Variants in TENT5D observed in about 807,000 individuals in gnomAD.
The protein encoded by TENT5D is cancer/testis antigen 112.
For missense variants in TENT5D, 191 were observed against 287.0 expected, an observed-to-expected ratio of 0.67 and a Z score of 2.42; for synonymous variants, 103 against 100.6, an observed-to-expected ratio of 1.02 and a Z score of -0.15.
At chrX:80,358,517 A>G (rs1343021781) in intron 3 of TENT5D, among the ~76,000 whole-genome samples, 1 of 112,270 alleles carries the variant, frequency 8.9e-6, no homozygotes, top group Non-Finnish European at 1.9e-5. Flanking sequence ...AAGAATACAC[A>G]TATTTTATTA....
At chrX:80,338,275 T>C (rs1387467116) in intron 2 of TENT5D, among the ~76,000 whole-genome samples, 1 of 111,550 alleles carries the variant, frequency 9.0e-6, no homozygotes, top group Non-Finnish European at 1.9e-5. Flanking sequence ...TCCAAATTGT[T>C]CTTTGGGGAC....
upstream of TENT5D, among the ~76,000 whole-genome samples, chrX:80,419,701 C>A (rs1931847296): frequency 8.9e-6 from 1 of 111,813 alleles, no homozygotes; most frequent in Non-Finnish European, 1.9e-5. Flanking sequence ...ACTTATCAAC[C>A]ATAATACTTT....
intron 1 of TENT5D, among the ~76,000 whole-genome samples, chrX:80,435,500 CAAG>C (rs1439195554): frequency 3.6e-5 from 4 of 112,276 alleles, no homozygotes; most frequent in African/African-American, 1.3e-4. Context: ...AAATATGTTT[CAAG>C]ATTGCTTTGT....
chrX:80,396,625 G>T (rs1371422586), intron 3 of TENT5D, among the ~76,000 whole-genome samples: 1 of 109,877 alleles, frequency 9.1e-6, no homozygotes, highest in Non-Finnish European at 1.9e-5. Context: ...CAAGGCAGAA[G>T]AATTTTTCTT....
chrX:80,432,470 A>G (rs1328466562), intron 1 of TENT5D, among the ~76,000 whole-genome samples: 1 of 111,856 alleles, frequency 8.9e-6, no homozygotes, highest in Non-Finnish European at 1.9e-5. Flanking sequence ...TGGCAGTCAC[A>G]CTATTCGTTT....
intron 3 of TENT5D, among the ~76,000 whole-genome samples, chrX:80,362,805 G>T (rs1473569196): frequency 9.0e-6 from 1 of 110,984 alleles, no homozygotes; most frequent in Non-Finnish European, 1.9e-5. Context: ...AATAAAACCA[G>T]AAATCAGCCA....
At chrX:80,428,487 AG>A (rs987344501) in intron 1 of TENT5D, among the ~76,000 whole-genome samples, 9 of 112,459 alleles carry the variant, frequency 8.0e-5, no homozygotes, top group Non-Finnish European at 1.5e-4. Context: ...TAAAACTTCC[AG>A]GGTTATTCCC....
At chrX:80,338,416 CT>C (rs1929893531) in intron 2 of TENT5D, among the ~76,000 whole-genome samples, 1 of 112,115 alleles carries the variant, frequency 8.9e-6, no homozygotes, top group Non-Finnish European at 1.9e-5. Context: ...AATACAGTAT[CT>C]TAACTCAGCA....
At chrX:80,387,840 C>CAT (rs1028506611) in intron 3 of TENT5D, among the ~76,000 whole-genome samples, 1 of 111,630 alleles carries the variant, frequency 9.0e-6, no homozygotes, top group African/African-American at 3.3e-5. Flanking sequence ...AGCAAGTTCC[C>CAT]ATATTCCCCA....
At chrX:80,346,573 A>G (rs149771495) in intron 3 of TENT5D, among the ~76,000 whole-genome samples, 1 of 111,665 alleles carries the variant, frequency 9.0e-6, no homozygotes, top group East Asian at 2.8e-4. Context: ...TTTTATTTGC[A>G]TTTATCTAAA....
At chrX:80,354,471 T>C (rs1320678238) in intron 3 of TENT5D, among the ~76,000 whole-genome samples, 1 of 112,291 alleles carries the variant, frequency 8.9e-6, no homozygotes. Flanking sequence ...CTCAGCTCAA[T>C]CTATTCTGTT....
chrX:80,375,131 A>AT (rs1569361136), intron 3 of TENT5D, among the ~76,000 whole-genome samples: 10 of 110,423 alleles, frequency 9.1e-5, no homozygotes. Flanking sequence ...TGTAGTTTAA[A>AT]TTTTTTTCTT....
chrX:80,353,910 T>G (rs1025555797), intron 3 of TENT5D, among the ~76,000 whole-genome samples: 2 of 112,118 alleles, frequency 1.8e-5, no homozygotes, highest in Non-Finnish European at 3.8e-5. Context: ...GTACAAGCAT[T>G]CCCTTGTTTC....
At chrX:80,439,281 C>CA (rs1932236962) in intron 2 of TENT5D, among the ~76,000 whole-genome samples, 1 of 111,556 alleles carries the variant, frequency 9.0e-6, no homozygotes, top group Non-Finnish European at 1.9e-5. Context: ...ACTCAATAAA[C>CA]ACACTTTCAG....
At chrX:80,349,565 A>G (rs763933802) in intron 3 of TENT5D, among the ~76,000 whole-genome samples, 5 of 107,768 alleles carry the variant, frequency 4.6e-5, no homozygotes, top group East Asian at 5.8e-4. Context: ...TAGTCTGGCT[A>G]GTGGTCTATT....
chrX:80,398,328 A>G (rs1391564541), intron 3 of TENT5D, among the ~76,000 whole-genome samples: 7 of 111,939 alleles, frequency 6.3e-5, no homozygotes, highest in Admixed American at 9.5e-5. Flanking sequence ...TAGCTTGCAA[A>G]TATTTTCTAC....
intron 1 of TENT5D, among the ~76,000 whole-genome samples, chrX:80,435,507 GC>G (rs1175243116): frequency 3.6e-5 from 4 of 112,295 alleles, no homozygotes; most frequent in African/African-American, 1.3e-4. Context: ...TTTCAAGATT[GC>G]TTTGTAATTA....
intron 2 of TENT5D, among the ~76,000 whole-genome samples, chrX:80,439,833 G>T (rs1932246744): frequency 1.6e-5 from 1 of 62,977 alleles, no homozygotes; most frequent in Admixed American, 1.7e-4. Context: ...CATAATTAAC[G>T]CTTTTTTCTA....
intron 3 of TENT5D, among the ~76,000 whole-genome samples, chrX:80,369,776 T>C (rs1930585652): frequency 8.9e-6 from 1 of 112,084 alleles, no homozygotes. Flanking sequence ...CCATTTGTCT[T>C]ATATGCAAGT....
Sources: gnomAD v4.1 joint callset for allele counts (sites outside exome capture counted in the v4.1 genomes callset) on GRCh38, gnomAD v4.1.1 for gene constraint, MANE v1.5 for transcripts, NCBI Gene and HGNC (gene_info 2026-07-23, HGNC 2026-07-21) for gene names.